Variants in NRG3 observed in about 807,000 individuals in gnomAD.
NRG3 encodes the protein pro-neuregulin-3, membrane-bound isoform.
NRG3 carries 31 observed loss-of-function variants against 66.9 expected under a neutral mutation model. The observed-to-expected ratio is 0.46, with a 90% CI of 0.35 to 0.63. The LOEUF (loss-of-function observed/expected upper bound fraction) is 0.63, where lower values mean the gene tolerates loss of function less well. Among genes scored for constraint, NRG3 ranks in the 20% least tolerant of loss-of-function variants. NRG3 has a pLI of 0.00. For missense variants in NRG3, 910 were observed against 878.9 expected (o/e 1.04, Z -0.45); for synonymous variants, 393 against 359.4 (o/e 1.09, Z -1.06).
chr10:82,004,022 C>T (rs901624168), intron 1 of NRG3, among the ~76,000 whole-genome samples: 2 of 149,954 alleles, frequency 1.3e-5, no homozygotes, highest in African/African-American at 4.9e-5. Context: ...CACACACACA[C>T]ACACACACAC....
chr10:82,669,171 TGAA>T (rs1322707920), intron 2 of NRG3, among the ~76,000 whole-genome samples: 1 of 151,750 alleles, frequency 6.6e-6, no homozygotes, highest in Non-Finnish European at 1.5e-5. Context: ...CCTATAAATA[TGAA>T]GGAGCAGTTA....
chr10:82,737,500 A>G (rs2058212386), intron 2 of NRG3, among the ~76,000 whole-genome samples: 1 of 152,046 alleles, frequency 6.6e-6, no homozygotes, highest in Non-Finnish European at 1.5e-5. Context: ...TCAATTTCAT[A>G]GATTTCTAAC....
intron 2 of NRG3, among the ~76,000 whole-genome samples, chr10:82,554,117 T>G (rs2044497372): frequency 6.6e-6 from 1 of 152,130 alleles, no homozygotes; most frequent in African/African-American, 2.4e-5. Flanking sequence ...GGACTTTAGT[T>G]TTTACAGGAA....
At chr10:82,915,575 A>C (rs976774635) in intron 4 of NRG3, among the ~76,000 whole-genome samples, 12 of 152,178 alleles carry the variant, frequency 7.9e-5, no homozygotes, top group African/African-American at 2.9e-4. Context: ...AATATTGTGT[A>C]ATTTTTCTAT....
chr10:82,050,705 C>T (rs1420761791), intron 1 of NRG3, among the ~76,000 whole-genome samples: 1 of 151,944 alleles, frequency 6.6e-6, no homozygotes, highest in South Asian at 2.1e-4. Context: ...GTGTCACAGG[C>T]TGCCAACCAG....
intron 3 of NRG3, among the ~76,000 whole-genome samples, chr10:82,855,252 A>G (rs1278927512): frequency 1.3e-5 from 2 of 152,210 alleles, no homozygotes; most frequent in Non-Finnish European, 1.5e-5. Flanking sequence ...CCAAGGCTTC[A>G]ATCATTAGTA....
At position 82,323,529 on chromosome 10, in the gene NRG3, T is replaced by G. The variant is rs192439912; in HGVS notation, c.824-35210T>G. ...TGGATTAAGTTCACTAAAATTGTGTTAAGATTTTTTGCATCTATGTTTATG... is the reference window on the plus strand; with the variant it reads ...TGGATTAAGTTCACTAAAATTGTGTGAAGATTTTTTGCATCTATGTTTATG... On this transcript the variant is annotated intron_variant, in intron 1 of 8. Transcript: ENST00000372141. Among the ~76,000 whole-genome samples, 3 of 152,192 alleles carry G rather than the reference T, an allele frequency of 2.0e-5. No homozygotes were observed. In the East Asian group the frequency reaches 5.8e-4, roughly 29 times the overall value.
rs142415368 is a variant in NRG3 at position 82,902,405 on chromosome 10, A to T, written c.1054+36968A>T. 3.6e-3 allele frequency among the ~76,000 whole-genome samples: 549 copies of T among 152,254 alleles called. 2 individuals are homozygous for T. Among genetic ancestry groups the T allele is most frequent in the African/African-American group, 0.012 (519 of 41,542 alleles). Reference sequence around the variant, plus strand: ...TTTTTTTTTGAAAGGCATATTTAACATTCTATATTAAAGAAAGACGTAATA... The same window carrying T: ...TTTTTTTTTGAAAGGCATATTTAACTTTCTATATTAAAGAAAGACGTAATA... On this transcript the variant is annotated intron_variant, in intron 4 of 8. Transcript: ENST00000372141.
chr10:82,529,809 C>A (rs898819549), intron 2 of NRG3, among the ~76,000 whole-genome samples: 1 of 152,152 alleles, frequency 6.6e-6, no homozygotes, highest in Admixed American at 6.6e-5. Context: ...ATTAATACAG[C>A]TCTGAAGTGT....
In NRG3 at chr10:82,947,653, T is replaced by G. The variant is rs576115634; in HGVS notation, c.1055-3816T>G. On this transcript the variant is annotated intron_variant, in intron 4 of 8. Transcript: ENST00000372141. The stretch of plus-strand genomic sequence containing the variant: ...GGGGTGCCATATATCTCATTATAAT[T>G]TAATTTGCAATTTAATAATAATGAA... 4.6e-5 allele frequency among the ~76,000 whole-genome samples: 7 copies of G among 152,268 alleles called. No homozygotes were observed. The East Asian group carries it at 1.3e-3, about 29-fold the overall frequency.
intron 3 of NRG3, among the ~76,000 whole-genome samples, chr10:82,791,517 C>T (rs1396138260): frequency 6.6e-6 from 1 of 152,102 alleles, no homozygotes; most frequent in Non-Finnish European, 1.5e-5. Flanking sequence ...AGTGCTCCAG[C>T]AGTTTACAAC....
intron 2 of NRG3, among the ~76,000 whole-genome samples, chr10:82,531,725 A>T (rs972835768): frequency 1.3e-5 from 2 of 151,890 alleles, no homozygotes; most frequent in African/African-American, 4.8e-5. Context: ...AAATAATAGG[A>T]TTTTTTAAAA....
chr10:82,068,177 A>T (rs538408617), intron 1 of NRG3, among the ~76,000 whole-genome samples: 1 of 152,178 alleles, frequency 6.6e-6, no homozygotes, highest in South Asian at 2.1e-4. Flanking sequence ...TATAGCTTTG[A>T]GGGAATTGCA....
At chr10:82,183,463 T>G (rs1469327844) in intron 1 of NRG3, among the ~76,000 whole-genome samples, 3 of 152,094 alleles carry the variant, frequency 2.0e-5, no homozygotes, top group Non-Finnish European at 4.4e-5. Flanking sequence ...GTTCAGTTAT[T>G]GCATTCTTCA....
chr10:82,898,259 CT>C (rs1209143205), intron 4 of NRG3, among the ~76,000 whole-genome samples: 4 of 152,176 alleles, frequency 2.6e-5, no homozygotes, highest in South Asian at 4.1e-4. Context: ...TGGTCTCTCC[CT>C]TTTTTAACTC....
intron 4 of NRG3, among the ~76,000 whole-genome samples, chr10:82,894,418 A>G (rs1843453790): frequency 6.6e-6 from 1 of 152,212 alleles, no homozygotes; most frequent in African/African-American, 2.4e-5. Flanking sequence ...GGGGACCAAT[A>G]GTTTTAAAAG....
At chr10:82,092,191 C>T (rs1211950266) in intron 1 of NRG3, among the ~76,000 whole-genome samples, 4 of 152,132 alleles carry the variant, frequency 2.6e-5, no homozygotes, top group Non-Finnish European at 5.9e-5. Context: ...GACATGGCAT[C>T]TCAGGGTCAA....
intron 2 of NRG3, among the ~76,000 whole-genome samples, chr10:82,727,566 T>C (rs1161943276): frequency 5.3e-5 from 8 of 152,254 alleles, no homozygotes; most frequent in African/African-American, 1.4e-4. Flanking sequence ...TCAGAGGATG[T>C]ATGCAAATGC....
intron 2 of NRG3, among the ~76,000 whole-genome samples, chr10:82,435,973 A>G (rs1253471113): frequency 6.6e-6 from 1 of 151,914 alleles, no homozygotes; most frequent in East Asian, 1.9e-4. Flanking sequence ...GGTCGATTTT[A>G]GAATAAGTGC....
Sources: allele counts gnomAD v4.1 joint callset (sites outside exome capture counted in the v4.1 genomes callset), GRCh38; gene constraint gnomAD v4.1.1; transcripts MANE v1.5; gene names NCBI Gene and HGNC (gene_info 2026-07-23, HGNC 2026-07-21).